Variants in DSG4 observed in about 807,000 individuals in gnomAD.
The protein encoded by DSG4 is desmoglein-4.
Under a neutral mutation model 93.1 loss-of-function variants are expected in DSG4, and 87 were observed. The ratio of observed to expected loss-of-function variants is 0.93; its 90% CI spans 0.79 to 1.12. The LOEUF (loss-of-function observed/expected upper bound fraction) is 1.12. DSG4 is among the 50% of genes most tolerant of loss of function. DSG4 has a pLI of 0.00. For missense variants in DSG4, 1,373 were observed against 1,285.7 expected (o/e 1.07, Z -1.04); for synonymous variants, 432 against 452.9 (o/e 0.95, Z 0.59).
intron 9 of DSG4, 137 bp downstream of exon 9, chr18:31,399,680 G>C: frequency 1.7e-6 from 2 of 1,155,932 alleles, no homozygotes; most frequent in Non-Finnish European, 2.5e-6. Flanking sequence ...AAGACTATTA[G>C]AGCATTTGAA....
At chr18:31,384,936 T>C (rs1241112709) in intron 1 of DSG4, among the ~76,000 whole-genome samples, 200 bp from the exon 2 acceptor site, 1 of 152,214 alleles carries the variant, frequency 6.6e-6, no homozygotes, top group African/African-American at 2.4e-5. Flanking sequence ...TAGACTTATG[T>C]GTTTGTCTTC....
At chr18:31,386,495 T>C (rs545368001) in intron 2 of DSG4, among the ~76,000 whole-genome samples, 193 bp from the exon 3 acceptor site, 2 of 152,286 alleles carry the variant, frequency 1.3e-5, no homozygotes, top group East Asian at 3.9e-4. Context: ...ACCAAGATGA[T>C]TCCAAAAGAA....
chr18:31,385,053 A>G, intron 1 of DSG4, 83 bp from the exon 2 acceptor site: 4 of 1,162,964 alleles, frequency 3.4e-6, no homozygotes, highest in African/African-American at 1.5e-5. Context: ...GAATTAATAA[A>G]AGAATATTGT....
Position 31,387,271 on chromosome 18 carries a change from A to G in DSG4, c.216+452A>G, listed in dbSNP as rs529079400. Among the ~76,000 whole-genome samples the G allele has an allele frequency of 3.9e-5, 6 of 152,278 alleles. No homozygotes were observed. The East Asian group carries it at 1.2e-3, about 29-fold the overall frequency. ...GAGTCTTATAAGACTTTCACAAATA[A>G]TGCCTACTGAAAAGGAAGGAGAGTT... On this transcript the variant is annotated intron_variant, in intron 3 of 15. Transcript: ENST00000308128.
chr18:31,386,450 A>G (rs184163288), intron 2 of DSG4, among the ~76,000 whole-genome samples: 1 of 152,292 alleles, frequency 6.6e-6, no homozygotes, highest in Admixed American at 6.5e-5. Context: ...TCAAGTAGCT[A>G]ATTAAATTTG....
chr18:31,399,270 A>G lies in DSG4; in HGVS notation c.1006-2A>G. On this transcript the variant is annotated splice_acceptor_variant, in intron 8 of 15. Coordinates refer to ENST00000308128, the MANE Select transcript of DSG4 (RefSeq NM_177986.5). LOFTEE classifies it high-confidence loss of function. Reference sequence around the variant, plus strand: ...AGAGTTTTTTATTTTCTTTCATTTCAGATGCTGGATTATGAACAAGCACCT... The same window carrying G: ...AGAGTTTTTTATTTTCTTTCATTTCGGATGCTGGATTATGAACAAGCACCT... The G allele has an allele frequency of 6.2e-7, 1 of 1,613,784 alleles. No individual in the cohort carries two copies. The highest frequency in any genetic ancestry group is 2.2e-5 in the East Asian group (1 of 44,860).
chr18:31,388,989 C>G lies in DSG4; in HGVS notation c.488C>G (p.Thr163Arg). 6.2e-7 allele frequency: 1 copy of G among 1,613,388 alleles called. No homozygotes were observed. Among genetic ancestry groups the G allele is most frequent in the Non-Finnish European group, 8.5e-7 (1 of 1,179,508 alleles). Residue 163 changes from threonine to arginine, a missense_variant, in exon 5 of 16, where the codon ACA becomes AGA. Coordinates refer to ENST00000308128, the MANE Select transcript of DSG4 (RefSeq NM_177986.5). ...CCAGTCTTTTCGCAAAGTGTATACA[C>G]AGCCAGCATTGAAGAAAATAGTGAT... Reference protein sequence around the residue: ...NAPVFSQSVYTASIEENSDAN... With the variant: ...NAPVFSQSVYRASIEENSDAN...
intron 7 of DSG4, 72 bp downstream of exon 7, chr18:31,391,284 T>A: frequency 6.3e-7 from 1 of 1,594,170 alleles, no homozygotes; most frequent in Non-Finnish European, 8.6e-7. Flanking sequence ...CAATAATCAA[T>A]CATGCTGGCT....
rs1340831895 is a variant in DSG4 at position 31,390,804 on chromosome 18, C to T, written c.666C>T (p.Ser222=). The change falls in exon 6 of 16, where the codon TCC becomes TCT. Residue 222 remains serine (S), a synonymous_variant. Coordinates refer to ENST00000308128, the MANE Select transcript of DSG4 (RefSeq NM_177986.5). ...ACACTGGAGAAGTCTGCACCATGTCCAGTTTCTTGGACAGAGAGGTAAAGC... is the reference window on the plus strand; with the variant it reads ...ACACTGGAGAAGTCTGCACCATGTCTAGTTTCTTGGACAGAGAGGTAAAGC... ...NRYTGEVCTM[S]SFLDREQHSM... is the part of the protein sequence containing the mutation. 3 of 1,613,434 alleles carry T rather than the reference C, an allele frequency of 1.9e-6. No homozygotes were observed. The highest frequency in any genetic ancestry group is 1.7e-6 in the Non-Finnish European group (2 of 1,179,698).
intron 9 of DSG4, 135 bp downstream of exon 9, chr18:31,399,678 T>A: frequency 8.6e-7 from 1 of 1,165,028 alleles, no homozygotes; most frequent in Non-Finnish European, 1.2e-6. Context: ...AAAAGACTAT[T>A]AGAGCATTTG....
chr18:31,390,952 A>G, intron 6 of DSG4, 126 bp from the exon 7 acceptor site: 1 of 1,503,184 alleles, frequency 6.7e-7, no homozygotes, highest in South Asian at 1.2e-5. Flanking sequence ...AATAAAAATT[A>G]AAAGCTCAAT....
Position 31,388,972 on chromosome 18 carries a change from T to C in DSG4, c.471T>C (p.Phe157=). Reference sequence around the variant, plus strand: ...ACATAAATGATAACGCTCCAGTCTTTTCGCAAAGTGTATACACAGCCAGCA... The same window carrying C: ...ACATAAATGATAACGCTCCAGTCTTCTCGCAAAGTGTATACACAGCCAGCA... The part of the protein sequence containing the change: ...VMDINDNAPV[F]SQSVYTASIE... Residue 157 remains phenylalanine, a synonymous_variant, in exon 5 of 16, where the codon TTT becomes TTC. Coordinates refer to ENST00000308128, the MANE Select transcript of DSG4 (RefSeq NM_177986.5). 6.2e-7 allele frequency: 1 copy of C among 1,613,572 alleles called. No individual in the cohort carries two copies. Among genetic ancestry groups the C allele is most frequent in the South Asian group, 1.1e-5 (1 of 91,072 alleles).
chr18:31,385,368 A>C (rs2072176566), intron 2 of DSG4, among the ~76,000 whole-genome samples, 197 bp downstream of exon 2: 2 of 152,194 alleles, frequency 1.3e-5, no homozygotes, highest in South Asian at 4.1e-4. Context: ...ATGTGTTTGC[A>C]ACAGCTTAGT....
intron 1 of DSG4, among the ~76,000 whole-genome samples, chr18:31,384,863 T>C (rs915249950): frequency 6.6e-6 from 1 of 152,182 alleles, no homozygotes; most frequent in South Asian, 2.1e-4. Context: ...TGAAATTCAC[T>C]TGGATAACTT....
At chr18:31,401,354 G>A (rs765435526) in intron 10 of DSG4, among the ~76,000 whole-genome samples, 11 of 152,148 alleles carry the variant, frequency 7.2e-5, no homozygotes, top group Non-Finnish European at 1.3e-4. Context: ...CTTAAAGTAA[G>A]GGCTACGTGC....
rs1179017398 is a variant in DSG4, at chr18:31,414,337, G to A, written c.*742G>A. 6.6e-6 allele frequency: 1 copy of A among 151,992 alleles called. No individual in the cohort carries two copies. Among genetic ancestry groups the A allele is most frequent in the Admixed American group, 6.6e-5 (1 of 15,254 alleles). 9.4% of individuals were successfully genotyped at this position (151,992 alleles called of 1,614,324 possible). On this transcript the variant is annotated 3_prime_UTR_variant, in exon 16 of 16. Coordinates refer to ENST00000308128, the MANE Select transcript of DSG4 (RefSeq NM_177986.5). ...AGAAAGAGTTATTGGGGAAATATTA[G>A]AGTTTTCCCCACTTACAGGGAATTT... is the stretch of plus-strand genomic sequence containing the variant.
chr18:31,413,359 A>G lies in DSG4; in HGVS notation c.2887A>G (p.Ile963Val). 1 of 1,614,158 alleles carries G rather than the reference A, an allele frequency of 6.2e-7. No individual in the cohort carries two copies. Among genetic ancestry groups the G allele is most frequent in the Non-Finnish European group, 8.5e-7 (1 of 1,180,040 alleles). Reference protein sequence around the residue: ...PAELADYNNVIYAERVLASPG... With the variant: ...PAELADYNNVVYAERVLASPG... ...TGAGTTAGCAGATTACAACAATGTA[A>G]TCTATGCTGAGAGAGTACTGGCTAG... Residue 963 changes from isoleucine to valine, a missense_variant, in exon 16 of 16, where the codon ATC becomes GTC. Coordinates refer to ENST00000308128, the MANE Select transcript of DSG4 (RefSeq NM_177986.5).
Position 31,383,913 on chromosome 18 carries a change from A to G in DSG4, c.49-1223A>G, listed in dbSNP as rs1002085038. The stretch of plus-strand genomic sequence containing the variant: ...TCAATTATTTGTTTTCAACAAAATT[A>G]AAAGAGGACCTAAAGGAGTTGTCAA... On this transcript the variant is annotated intron_variant, in intron 1 of 15. Coordinates refer to ENST00000308128, the MANE Select transcript of DSG4 (RefSeq NM_177986.5). 5.9e-5 allele frequency among the ~76,000 whole-genome samples: 9 copies of G among 152,344 alleles called. No homozygotes were observed. The East Asian group carries it at 1.5e-3, about 26-fold the overall frequency.
At chr18:31,385,595 T>G (rs547847277) in intron 2 of DSG4, among the ~76,000 whole-genome samples, 1 of 152,286 alleles carries the variant, frequency 6.6e-6, no homozygotes, top group South Asian at 2.1e-4. Context: ...CTAGTGCCAT[T>G]TAGAGTAGAA....
Sources: gnomAD v4.1 joint callset for allele counts (sites outside exome capture counted in the v4.1 genomes callset) on GRCh38, gnomAD v4.1.1 for gene constraint, MANE v1.5 for transcripts, NCBI Gene and HGNC (gene_info 2026-07-23, HGNC 2026-07-21) for gene names.